Variants in TET3 observed in about 807,000 individuals in gnomAD.
The protein encoded by TET3 is methylcytosine dioxygenase TET3.
TET3 carries 19 observed loss-of-function variants against 141.4 expected under a neutral mutation model. The ratio of observed to expected loss-of-function variants is 0.13; its 90% CI spans 0.09 to 0.20. TET3 has a LOEUF of 0.20. Among genes scored for constraint, TET3 ranks in the 10% least tolerant of loss-of-function variants. The pLI is 1.00. For synonymous variants in TET3, 1,043 were observed against 980.9 expected, an observed-to-expected ratio of 1.06 and a Z score of -1.18; for missense variants, 1,874 against 2,356.9, an observed-to-expected ratio of 0.80 and a Z score of 4.24.
Position 74,006,366 on chromosome 2 carries a change from A to G in TET3, c.360+3200A>G, listed in dbSNP as rs559626355. Among the ~76,000 whole-genome samples the G allele has an allele frequency of 6.6e-5, 10 of 152,386 alleles. No homozygotes were observed. In the South Asian group the frequency reaches 2.1e-3, roughly 32 times the overall value. On this transcript the variant is annotated intron_variant, in intron 3 of 11. Coordinates refer to ENST00000409262, the MANE Select transcript of TET3 (RefSeq NM_001287491.2). ...TGATAAGAACTGGAGTTAGAGTCCC[A>G]GAGCTCAGCTCCATCTCCTTGGTGA...
Position 74,107,023 on chromosome 2 carries a change from T to G in TET3, c.*4847T>G, listed in dbSNP as rs1003142274. The G allele has an allele frequency of 3.3e-5, 5 of 152,278 alleles. No homozygotes were observed. Among genetic ancestry groups the G allele is most frequent in the Non-Finnish European group, 7.3e-5 (5 of 68,054 alleles). The allele number at this position is 152,278 out of a possible 1,614,324, so 9.4% of individuals were successfully genotyped here. A position where few individuals can be genotyped will look rare whatever the true frequency, so the allele number is the denominator to read the frequency against. On this transcript the variant is annotated 3_prime_UTR_variant, in exon 12 of 12. Transcript: ENST00000409262. ...CAGTCATTGTTGCTGTCATTTGAAA[T>G]GACTCCCTCAAAACCTAGTTTTATT...
intron 2 of TET3, among the ~76,000 whole-genome samples, chr2:74,000,288 C>G (rs1372465386): frequency 1.3e-5 from 2 of 152,178 alleles, no homozygotes; most frequent in Admixed American, 1.3e-4. Context: ...AAACTTGGCT[C>G]AGCACATTCC....
At chr2:74,053,900 A>G (rs1456296409) in intron 4 of TET3, among the ~76,000 whole-genome samples, 1 of 152,200 alleles carries the variant, frequency 6.6e-6, no homozygotes, top group African/African-American at 2.4e-5. Flanking sequence ...TTTTTGAAAC[A>G]ATGACTATTT....
chr2:74,119,170 T>C, the TET3 span, among the ~76,000 whole-genome samples: 4 of 152,040 alleles, frequency 2.6e-5, no homozygotes, highest in East Asian at 3.9e-4. Flanking sequence ...CTGGCCAACA[T>C]AGTGAAACCC....
At position 74,106,187 on chromosome 2, in the gene TET3, C is replaced by T. The variant is rs1251610507; in HGVS notation, c.*4011C>T. 6.6e-6 allele frequency: 1 copy of T among 151,496 alleles called. No homozygotes were observed. Among genetic ancestry groups the T allele is most frequent in the African/African-American group, 2.4e-5 (1 of 41,208 alleles). 9.4% of individuals were successfully genotyped at this position (151,496 alleles called of 1,614,324 possible). A position where few individuals can be genotyped will look rare whatever the true frequency, so the allele number is the denominator to read the frequency against. ...CAGTGTTGTGTTGTGTTGTATTGTT[C>T]TTCCCTTGGTGGCCAAACAAAGCAA... On this transcript the variant is annotated 3_prime_UTR_variant, in exon 12 of 12. Transcript: ENST00000409262.
intron 7 of TET3, among the ~76,000 whole-genome samples, chr2:74,088,886 G>A (rs1222377565): frequency 6.6e-6 from 1 of 152,052 alleles, no homozygotes; most frequent in Non-Finnish European, 1.5e-5. Context: ...TTCGAGACGA[G>A]CCTGGCCATC....
At chr2:74,084,158 A>C (rs766083197) in intron 6 of TET3, among the ~76,000 whole-genome samples, 1 of 152,226 alleles carries the variant, frequency 6.6e-6, no homozygotes, top group South Asian at 2.1e-4. Flanking sequence ...GCAGGAATTC[A>C]TGGCCAGAGA....
chr2:74,092,837 C>T, intron 8 of TET3, 65 bp from the exon 9 acceptor site: 7 of 1,418,692 alleles, frequency 4.9e-6, no homozygotes, highest in Non-Finnish European at 6.8e-6. Context: ...TGCCAGTCCA[C>T]TTCCAGGGTG....
At chr2:74,049,938 G>A (rs1475844249) in intron 4 of TET3, among the ~76,000 whole-genome samples, 1 of 152,012 alleles carries the variant, frequency 6.6e-6, no homozygotes, top group Admixed American at 6.6e-5. Context: ...GACTAGTAAC[G>A]ACATGACTTC....
intron 4 of TET3, among the ~76,000 whole-genome samples, chr2:74,050,875 AAAAC>A (rs1425221150): frequency 1.3e-5 from 2 of 151,382 alleles, no homozygotes; most frequent in Non-Finnish European, 3.0e-5. Flanking sequence ...AGGAAAAAAA[AAAAC>A]AACAATAAAA....
rs2104257668 is a variant in TET3 at position 74,104,245 on chromosome 2, T to G, written c.*2069T>G. 6.6e-6 allele frequency: 1 copy of G among 152,352 alleles called. No individual in the cohort carries two copies. 9.4% of individuals were successfully genotyped at this position (152,352 alleles called of 1,614,324 possible). On this transcript the variant is annotated 3_prime_UTR_variant, in exon 12 of 12. Transcript: ENST00000409262. ...CCACTTTTACCATATTCTGTAAAGT[T>G]GCATTTATTTTACAGGACAAAAAAA... is the stretch of plus-strand genomic sequence containing the variant.
chr2:74,126,662 C>T, the TET3 span, among the ~76,000 whole-genome samples: 2 of 151,952 alleles, frequency 1.3e-5, no homozygotes, highest in South Asian at 2.1e-4. Flanking sequence ...CCACCACTCC[C>T]GGCTAATTTT....
chr2:74,067,511 C>T (rs149765133), intron 4 of TET3, among the ~76,000 whole-genome samples: 171 of 152,322 alleles, frequency 1.1e-3, no homozygotes, highest in Middle Eastern at 6.8e-3. Context: ...CCCAGGTTTC[C>T]GTCTGCAAGA....
At chr2:74,043,391 A>C (rs1212483294) in intron 3 of TET3, among the ~76,000 whole-genome samples, 1 of 152,164 alleles carries the variant, frequency 6.6e-6, no homozygotes, top group African/African-American at 2.4e-5. Context: ...GTGGGCAGGA[A>C]GCACAGGAGT....
At chr2:74,083,848 A>G (rs763285436) in intron 6 of TET3, among the ~76,000 whole-genome samples, 12 of 152,156 alleles carry the variant, frequency 7.9e-5, no homozygotes, top group Non-Finnish European at 1.5e-4. Flanking sequence ...TGTGCTCTGA[A>G]TGCCTCACAC....
chr2:74,077,067 G>GA (rs1689551841), intron 5 of TET3, among the ~76,000 whole-genome samples: 1 of 152,236 alleles, frequency 6.6e-6, no homozygotes, highest in Non-Finnish European at 1.5e-5. Context: ...TTCTGTCTGG[G>GA]AAGGAGATTC....
downstream of TET3, among the ~76,000 whole-genome samples, chr2:74,108,907 G>T (rs1467503478): frequency 6.6e-6 from 1 of 152,188 alleles, no homozygotes; most frequent in Admixed American, 6.5e-5. Flanking sequence ...GGGCATCTGA[G>T]TGAAAATACC....
chr2:74,024,371 G>A (rs1448964862), intron 3 of TET3, among the ~76,000 whole-genome samples: 1 of 152,248 alleles, frequency 6.6e-6, no homozygotes, highest in African/African-American at 2.4e-5. Flanking sequence ...CCCTCTGTGT[G>A]TGGAGGGAAG....
At chr2:73,996,399 CTG>C (rs1473267928) in intron 2 of TET3, among the ~76,000 whole-genome samples, 1 of 152,198 alleles carries the variant, frequency 6.6e-6, no homozygotes, top group Non-Finnish European at 1.5e-5. Context: ...CTGCCTATGT[CTG>C]TGCAGGGCAT....
Sources: allele counts gnomAD v4.1 joint callset (sites outside exome capture counted in the v4.1 genomes callset), GRCh38; gene constraint gnomAD v4.1.1; transcripts MANE v1.5; gene names NCBI Gene and HGNC (gene_info 2026-07-23, HGNC 2026-07-21).